Variants in DIS3L2 observed in about 807,000 individuals in gnomAD.
DIS3L2 encodes DIS3-like exonuclease 2.
In DIS3L2, 34 loss-of-function variants were observed where a neutral mutation model predicts 97.5. The ratio of observed to expected loss-of-function variants is 0.35; its 90% CI spans 0.27 to 0.46. The LOEUF (loss-of-function observed/expected upper bound fraction) is 0.46, where lower values mean the gene tolerates loss of function less well. DIS3L2 is among the 20% of genes least tolerant of loss of function. The pLI is 1.00. For missense variants in DIS3L2, 1,038 were observed against 1,146.0 expected (o/e 0.91, Z 1.36); for synonymous variants, 435 against 445.2 (o/e 0.98, Z 0.29).
intron 16 of DIS3L2, among the ~76,000 whole-genome samples, chr2:232,332,950 T>C (rs1450764725): frequency 2.0e-5 from 3 of 151,944 alleles, no homozygotes; most frequent in Non-Finnish European, 2.9e-5. Flanking sequence ...ATCCTGGGCT[T>C]TCTCTCCCTC....
intron 10 of DIS3L2, among the ~76,000 whole-genome samples, chr2:232,222,684 C>G (rs1185162745): frequency 3.9e-5 from 6 of 152,184 alleles, no homozygotes; most frequent in Non-Finnish European, 8.8e-5. Context: ...CCAGGTTGGT[C>G]TCGAACTTCT....
Position 232,093,339 on chromosome 2 carries a change from C to T in DIS3L2, c.601+5618C>T, listed in dbSNP as rs182585998. 5.3e-5 allele frequency among the ~76,000 whole-genome samples: 8 copies of T among 151,834 alleles called. No homozygotes were observed. The East Asian group carries it at 1.6e-3, about 29-fold the overall frequency. ...CATTAATATTCATCAGTGATATTGG[C>T]CTGTAGTTTTTTTTAAATATATGTC... On this transcript the variant is annotated intron_variant, in intron 6 of 20. Coordinates refer to ENST00000325385, the MANE Select transcript of DIS3L2 (RefSeq NM_152383.5).
intron 8 of DIS3L2, among the ~76,000 whole-genome samples, chr2:232,161,741 G>A (rs1479260756): frequency 6.6e-6 from 1 of 151,824 alleles, no homozygotes. Flanking sequence ...AAAGTGATGG[G>A]ATTACAGATG....
At chr2:232,081,290 A>C (rs1434337370) in intron 5 of DIS3L2, among the ~76,000 whole-genome samples, 1 of 152,124 alleles carries the variant, frequency 6.6e-6, no homozygotes, top group Non-Finnish European at 1.5e-5. Flanking sequence ...TGGTCCATCC[A>C]TTATAAAACT....
Position 232,047,223 on chromosome 2 carries a change from T to C in DIS3L2, c.366+17143T>C, listed in dbSNP as rs112727848. Among the ~76,000 whole-genome samples, 19 of 152,358 alleles carry C rather than the reference T, an allele frequency of 1.2e-4. 2 individuals carry two copies. The highest frequency in any genetic ancestry group is 4.6e-4 in the African/African-American group (19 of 41,588). ...CTTCAAAGTGCAAAGCACCTCCTCA[T>C]AACTTGAGTGTTACTGTTTTCCATT... On this transcript the variant is annotated intron_variant, in intron 5 of 20. Transcript: ENST00000325385.
At chr2:232,226,601 T>A (rs1249203891) in intron 10 of DIS3L2, among the ~76,000 whole-genome samples, 4 of 152,202 alleles carry the variant, frequency 2.6e-5, no homozygotes, top group African/African-American at 9.7e-5. Context: ...AGGCTACAAG[T>A]GAACTTGAGC....
rs143095538 is a variant in DIS3L2, at chr2:232,276,852, A to G, written c.1659+13412A>G. On this transcript the variant is annotated intron_variant, in intron 13 of 20. Coordinates refer to ENST00000325385, the MANE Select transcript of DIS3L2 (RefSeq NM_152383.5). The surrounding 1 kb of genome is among the most constrained non-coding windows in gnomAD (Gnocchi z 4.4). ...ATTAGGTTAGATGAGATGTACCCGT[A>G]AAACACTTGGAACAGTGCCTGACAC... 5.3e-5 allele frequency among the ~76,000 whole-genome samples: 8 copies of G among 152,356 alleles called. No individual in the cohort carries two copies. In the South Asian group the frequency reaches 1.4e-3, roughly 28 times the overall value.
intron 6 of DIS3L2, among the ~76,000 whole-genome samples, chr2:232,114,191 T>A (rs1357686389): frequency 6.6e-6 from 1 of 152,072 alleles, no homozygotes; most frequent in African/African-American, 2.4e-5. Flanking sequence ...TGAGTAATAA[T>A]AAGACTCCCG....
chr2:232,083,708 TG>T (rs1393624314), intron 5 of DIS3L2, among the ~76,000 whole-genome samples: 1 of 152,246 alleles, frequency 6.6e-6, no homozygotes, highest in East Asian at 1.9e-4. Flanking sequence ...TTGGCCAGGC[TG>T]GTCTTGAACT....
At chr2:231,963,254 CT>C (rs1198706188) in intron 1 of DIS3L2, among the ~76,000 whole-genome samples, 1 of 152,076 alleles carries the variant, frequency 6.6e-6, no homozygotes, top group Non-Finnish European at 1.5e-5. Flanking sequence ...TGTTTTTTGA[CT>C]TTTTGATAAT....
intron 5 of DIS3L2, among the ~76,000 whole-genome samples, chr2:232,069,374 C>T (rs1161675062): frequency 6.6e-6 from 1 of 152,126 alleles, no homozygotes; most frequent in Non-Finnish European, 1.5e-5. Context: ...GGAAATTATA[C>T]CCATAGAAGT....
intron 6 of DIS3L2, among the ~76,000 whole-genome samples, chr2:232,114,472 A>G (rs749272809): frequency 5.9e-5 from 9 of 152,196 alleles, no homozygotes; most frequent in African/African-American, 1.2e-4. Flanking sequence ...AAGAAGGACC[A>G]TGGATTCAGG....
intron 3 of DIS3L2, among the ~76,000 whole-genome samples, chr2:232,023,358 AT>A (rs1193982915): frequency 6.6e-6 from 1 of 152,166 alleles, no homozygotes; most frequent in Non-Finnish European, 1.5e-5. Flanking sequence ...GCAGAAGGAA[AT>A]TATTTTCTGC....
intron 10 of DIS3L2, among the ~76,000 whole-genome samples, chr2:232,219,315 A>G (rs896539214): frequency 2.0e-5 from 3 of 152,134 alleles, no homozygotes; most frequent in African/African-American, 7.2e-5. Context: ...GGATATCTCT[A>G]CTTCCTGGTT....
At chr2:231,984,583 C>T (rs1320112238) in intron 1 of DIS3L2, among the ~76,000 whole-genome samples, 2 of 151,038 alleles carry the variant, frequency 1.3e-5, no homozygotes, top group Admixed American at 6.6e-5. Context: ...TTAGTAGAGA[C>T]GGGGTTTCAC....
chr2:232,155,918 A>G (rs1228169144), intron 8 of DIS3L2, among the ~76,000 whole-genome samples: 2 of 151,136 alleles, frequency 1.3e-5, no homozygotes, highest in Non-Finnish European at 2.9e-5. Flanking sequence ...TGAACCCGGG[A>G]GGCGGAGCTT....
intron 13 of DIS3L2, among the ~76,000 whole-genome samples, chr2:232,278,788 A>G (rs1448022451): frequency 2.0e-5 from 3 of 152,212 alleles, no homozygotes; most frequent in Admixed American, 1.3e-4. Flanking sequence ...AGGCTTTTGT[A>G]TGACCATTTT....
chr2:232,041,406 A>C (rs1379581791), intron 5 of DIS3L2, among the ~76,000 whole-genome samples: 2 of 152,176 alleles, frequency 1.3e-5, no homozygotes, highest in Admixed American at 6.5e-5. Flanking sequence ...CAGGGTGCTA[A>C]GTTCAGAAAT....
chr2:232,326,810 G>A (rs1328516190), intron 14 of DIS3L2, among the ~76,000 whole-genome samples: 1 of 150,896 alleles, frequency 6.6e-6, no homozygotes, highest in Non-Finnish European at 1.5e-5. Context: ...AAGGGCCCTG[G>A]CAAGGTGGGC....
Sources: gnomAD v4.1 joint callset for allele counts (sites outside exome capture counted in the v4.1 genomes callset) on GRCh38, gnomAD v4.1.1 for gene constraint, Gnocchi (gnomAD v3.1) non-coding constraint, MANE v1.5 for transcripts, NCBI Gene and HGNC (gene_info 2026-07-23, HGNC 2026-07-21) for gene names.